The following PTPRT variants were observed in gnomAD, a reference collection of about 807,000 sequenced individuals.
PTPRT encodes the protein protein tyrosine phosphatase receptor type T.
A neutral mutation model predicts 176.8 loss-of-function variants in PTPRT; 56 were observed. The ratio of observed to expected loss-of-function variants is 0.32; its 90% CI spans 0.26 to 0.40. The LOEUF is 0.40. Among genes scored for constraint, PTPRT ranks in the 10% least tolerant of loss-of-function variants. The pLI is 1.00. For synonymous variants in PTPRT, 783 were observed against 739.0 expected (o/e 1.06, Z -0.96); for missense variants, 1,540 against 1,908.2 (o/e 0.81, Z 3.60).
chr20:42,403,494 G>T (rs1319368228), intron 9 of PTPRT, among the ~76,000 whole-genome samples: 2 of 152,166 alleles, frequency 1.3e-5, no homozygotes, highest in Non-Finnish European at 2.9e-5. Context: ...AAGGTGACAG[G>T]TTGTGTGGAT....
At chr20:42,859,433 G>A (rs2078621172) in intron 2 of PTPRT, among the ~76,000 whole-genome samples, 1 of 151,992 alleles carries the variant, frequency 6.6e-6, no homozygotes, top group African/African-American at 2.4e-5. Flanking sequence ...ATGGCCACCT[G>A]GTTGCCAGAG....
At chr20:42,741,035 C>G (rs191124472) in intron 6 of PTPRT, among the ~76,000 whole-genome samples, 5 of 152,092 alleles carry the variant, frequency 3.3e-5, no homozygotes, top group Non-Finnish European at 7.3e-5. Flanking sequence ...TTAAGGGGAG[C>G]TGAGTTCCAA....
chr20:43,090,850 A>AAT (rs747141117), intron 1 of PTPRT, among the ~76,000 whole-genome samples: 4 of 152,204 alleles, frequency 2.6e-5, no homozygotes, highest in Non-Finnish European at 4.4e-5. Context: ...AATTACCAAA[A>AAT]ATATATATAT....
At chr20:42,975,895 A>G (rs1982916062) in intron 1 of PTPRT, among the ~76,000 whole-genome samples, 1 of 151,866 alleles carries the variant, frequency 6.6e-6, no homozygotes, top group South Asian at 2.1e-4. Flanking sequence ...TAAAAATTAA[A>G]AAAAACTATC....
intron 1 of PTPRT, among the ~76,000 whole-genome samples, chr20:42,956,463 C>G (rs1430804257): frequency 6.7e-6 from 1 of 148,266 alleles, no homozygotes; most frequent in Admixed American, 6.6e-5. Flanking sequence ...GTGTGAGACA[C>G]CTGCTCCCCC....
intron 12 of PTPRT, among the ~76,000 whole-genome samples, chr20:42,287,129 G>C (rs1198139229): frequency 6.6e-6 from 1 of 151,938 alleles, no homozygotes; most frequent in African/African-American, 2.4e-5. Context: ...CTTATACATT[G>C]TTGATGGGAA....
intron 17 of PTPRT, among the ~76,000 whole-genome samples, chr20:42,144,088 G>A (rs1017995916): frequency 2.6e-4 from 40 of 152,282 alleles, no homozygotes; most frequent in African/African-American, 8.7e-4. Flanking sequence ...GTGGGCATGC[G>A]TGGGAACAGT....
At chr20:42,761,093 T>C (rs1465470473) in intron 5 of PTPRT, among the ~76,000 whole-genome samples, 4 of 152,156 alleles carry the variant, frequency 2.6e-5, no homozygotes, top group South Asian at 2.1e-4. Flanking sequence ...TCTCGAACCA[T>C]GGTCCCCAGA....
chr20:43,159,602 GA>G (rs2014630913), intron 1 of PTPRT, among the ~76,000 whole-genome samples: 2 of 152,132 alleles, frequency 1.3e-5, no homozygotes, highest in African/African-American at 4.8e-5. Context: ...CACATGAAGG[GA>G]AAACTTACTT....
intron 7 of PTPRT, among the ~76,000 whole-genome samples, chr20:42,622,431 G>T (rs1380473581): frequency 6.6e-6 from 1 of 151,938 alleles, no homozygotes; most frequent in African/African-American, 2.4e-5. Flanking sequence ...TAGTAGAGAC[G>T]GGGTTTCACC....
intron 7 of PTPRT, among the ~76,000 whole-genome samples, chr20:42,512,359 T>C (rs1480980814): frequency 6.6e-6 from 1 of 152,196 alleles, no homozygotes; most frequent in East Asian, 1.9e-4. Flanking sequence ...TTTTATCTTT[T>C]TGAGAACATC....
intron 7 of PTPRT, among the ~76,000 whole-genome samples, chr20:42,589,989 C>G (rs969469285): frequency 6.6e-6 from 1 of 152,080 alleles, no homozygotes; most frequent in African/African-American, 2.4e-5. Context: ...CTGCGTGGAC[C>G]TTTGTGATGG....
chr20:42,145,228 G>A (rs759102230), intron 17 of PTPRT, among the ~76,000 whole-genome samples: 4 of 152,182 alleles, frequency 2.6e-5, no homozygotes, highest in African/African-American at 4.8e-5. Context: ...GGGGCCAGAC[G>A]CAGTGGCTCA....
At chr20:42,170,860 ATCTTCACGTGTAAAGAGTT>A (rs1990049628) in intron 16 of PTPRT, among the ~76,000 whole-genome samples, 1 of 152,186 alleles carries the variant, frequency 6.6e-6, no homozygotes, top group Admixed American at 6.5e-5. Context: ...AAAAACTTAA[ATCTTCACGTGTAAAGAGTT>A]CTCCACCTAC....
At chr20:42,724,345 A>G (rs1466833561) in intron 6 of PTPRT, among the ~76,000 whole-genome samples, 1 of 152,180 alleles carries the variant, frequency 6.6e-6, no homozygotes, top group African/African-American at 2.4e-5. Flanking sequence ...GCCCAAATCT[A>G]TTCACTGCAT....
intron 7 of PTPRT, among the ~76,000 whole-genome samples, chr20:42,481,033 T>C (rs1191029325): frequency 6.6e-6 from 1 of 152,052 alleles, no homozygotes; most frequent in African/African-American, 2.4e-5. Context: ...GAGCTTTTTT[T>C]TTTTTTTAAG....
Position 42,074,223 on chromosome 20 carries a change from G to A in PTPRT, c.*6656C>T, listed in dbSNP as rs1036317347. On this transcript the variant is annotated 3_prime_UTR_variant, in exon 31 of 31. Transcript: ENST00000373187. ...TTATTCATCTTCCATGGGAGATACA[G>A]GGACAGGGTGGACACTGAGAGTTTG... The A allele has an allele frequency of 5.7e-5, 13 of 228,070 alleles. No individual in the cohort carries two copies. The East Asian group carries it at 7.5e-4, about 13-fold the overall frequency. The allele number at this position is 228,070 out of a possible 1,614,324, so 14.1% of individuals were successfully genotyped here.
intron 15 of PTPRT, among the ~76,000 whole-genome samples, chr20:42,232,803 C>T (rs2146842339): frequency 8.2e-6 from 1 of 121,222 alleles, no homozygotes; most frequent in East Asian, 2.3e-4. Context: ...CATGTTTCTT[C>T]TCTGTTTTAC....
chr20:43,127,695 C>T (rs1387205093), intron 1 of PTPRT, among the ~76,000 whole-genome samples: 2 of 152,098 alleles, frequency 1.3e-5, no homozygotes, highest in East Asian at 1.9e-4. Flanking sequence ...GTTAAAGAGC[C>T]CAGGTTGGTG....
Sources: gnomAD v4.1 joint callset for allele counts (sites outside exome capture counted in the v4.1 genomes callset) on GRCh38, gnomAD v4.1.1 for gene constraint, MANE v1.5 for transcripts, NCBI Gene and HGNC (gene_info 2026-07-23, HGNC 2026-07-21) for gene names.